The following FRK variants were observed in gnomAD, a reference collection of about 807,000 sequenced individuals.
The protein encoded by FRK is fyn related Src family tyrosine kinase, also known as tyrosine-protein kinase FRK.
Under a neutral mutation model 56.4 loss-of-function variants are expected in FRK, and 51 were observed. That is an observed-to-expected ratio of 0.90 (90% CI 0.72 to 1.14). FRK has a LOEUF of 1.14. Ranked by LOEUF, FRK falls within the 50% of genes most tolerant of loss-of-function variation. The pLI, the probability that FRK is intolerant of heterozygous loss-of-function variation, is 0.00. For missense variants in FRK, 570 were observed against 601.4 expected, an observed-to-expected ratio of 0.95 and a Z score of 0.55; for synonymous variants, 245 against 217.9, an observed-to-expected ratio of 1.12 and a Z score of -1.10.
chr6:115,953,180 A>ACTTTTTTTTTTTTTTTT lies in FRK; in HGVS notation c.958+3271_958+3272insAAAAAAAAAAAAAAAAG, dbSNP rs34026302. On this transcript the variant is annotated intron_variant, in intron 5 of 7. Transcript: ENST00000606080. Reference sequence around the variant, plus strand: ...AGAGTGGTACATCCATTTTAAGGCCATTTTTTTTTTTTTTTTTTTTTTTTT... The same window carrying ACTTTTTTTTTTTTTTTT: ...AGAGTGGTACATCCATTTTAAGGCCACTTTTTTTTTTTTTTTTTTTTTTTTTTTTTTTTTTTTTTTTT... Among the ~76,000 whole-genome samples the ACTTTTTTTTTTTTTTTT allele has an allele frequency of 7.7e-5, 8 of 104,032 alleles. 4 individuals are homozygous for ACTTTTTTTTTTTTTTTT. The highest frequency in any genetic ancestry group is 2.5e-4 in the Admixed American group (2 of 8,162). 68.2% of individuals were successfully genotyped at this position (104,032 alleles called of 152,430 possible). A position where few individuals can be genotyped will look rare whatever the true frequency, so the allele number is the denominator to read the frequency against.
the FRK span, among the ~76,000 whole-genome samples, chr6:116,091,730 G>T: frequency 2.6e-5 from 4 of 152,308 alleles, no homozygotes; most frequent in African/African-American, 9.6e-5. Flanking sequence ...GAAGACAGGG[G>T]TGTCAGGGTT....
the FRK span, among the ~76,000 whole-genome samples, chr6:116,077,298 G>C: frequency 6.6e-6 from 1 of 152,222 alleles, no homozygotes; most frequent in African/African-American, 2.4e-5. Flanking sequence ...CCTTTATGAT[G>C]TTGTGGAAGG....
chr6:116,054,733 C>T (rs1777325921), intron 1 of FRK, among the ~76,000 whole-genome samples: 1 of 151,448 alleles, frequency 6.6e-6, no homozygotes, highest in Non-Finnish European at 1.5e-5. Context: ...TCTTCCCTGA[C>T]AACTTACACA....
chr6:115,935,208 A>AG lies in FRK; in HGVS notation c.*7205dup, dbSNP rs1215635042. ...CAGCCCATGGAGGGCCAGCTGAAACAGGGTGGGGTGTCACCTCACCCAGGA... is the reference window on the plus strand; with the variant it reads ...CAGCCCATGGAGGGCCAGCTGAAACAGGGGTGGGGTGTCACCTCACCCAGGA... On this transcript the variant is annotated 3_prime_UTR_variant, in exon 8 of 8. Transcript: ENST00000606080. 6.6e-6 allele frequency: 1 copy of AG among 152,442 alleles called. No homozygotes were observed. Among genetic ancestry groups the AG allele is most frequent in the African/African-American group, 2.4e-5 (1 of 41,468 alleles). The allele number at this position is 152,442 out of a possible 1,614,324, so 9.4% of individuals were successfully genotyped here.
intron 5 of FRK, among the ~76,000 whole-genome samples, chr6:115,945,562 G>T (rs1772405617): frequency 6.6e-6 from 1 of 152,036 alleles, no homozygotes; most frequent in African/African-American, 2.4e-5. Context: ...TTTCTTTCAA[G>T]CACTGCATAA....
intron 1 of FRK, among the ~76,000 whole-genome samples, chr6:116,057,398 G>A (rs1010818578): frequency 7.2e-5 from 11 of 152,158 alleles, no homozygotes; most frequent in African/African-American, 2.7e-4. Flanking sequence ...ACACACTCAC[G>A]CAGAAGGCTG....
chr6:116,095,669 C>T, the FRK span, among the ~76,000 whole-genome samples: 1 of 152,102 alleles, frequency 6.6e-6, no homozygotes, highest in African/African-American at 2.4e-5. Context: ...CTTCATGATC[C>T]TACTACCACA....
At chr6:116,010,508 T>G (rs1170474041) in intron 1 of FRK, among the ~76,000 whole-genome samples, 1 of 152,126 alleles carries the variant, frequency 6.6e-6, no homozygotes, top group African/African-American at 2.4e-5. Flanking sequence ...CAAAGGAATA[T>G]AAAACAAGTG....
At chr6:116,100,590 G>A in the FRK span, among the ~76,000 whole-genome samples, 1 of 152,194 alleles carries the variant, frequency 6.6e-6, no homozygotes, top group Non-Finnish European at 1.5e-5. Flanking sequence ...ACAGGTCTCA[G>A]CTGTGCAGCA....
At chr6:115,967,218 A>T (rs1773615189) in intron 4 of FRK, among the ~76,000 whole-genome samples, 1 of 152,190 alleles carries the variant, frequency 6.6e-6, no homozygotes, top group Admixed American at 6.5e-5. Context: ...CTGATTTTTT[A>T]AATATTTTCA....
intron 2 of FRK, among the ~76,000 whole-genome samples, chr6:115,969,024 C>G (rs1489732747): frequency 6.6e-6 from 1 of 152,016 alleles, no homozygotes; most frequent in Non-Finnish European, 1.5e-5. Flanking sequence ...TTAAAACAAG[C>G]CATAAAATTG....
At chr6:116,027,529 A>C (rs1043444113) in intron 1 of FRK, among the ~76,000 whole-genome samples, 1 of 152,160 alleles carries the variant, frequency 6.6e-6, no homozygotes, top group African/African-American at 2.4e-5. Flanking sequence ...AACAATGTAA[A>C]TTTAGAAAAA....
chr6:115,975,240 AT>A (rs1014223533), intron 2 of FRK, among the ~76,000 whole-genome samples: 3 of 151,636 alleles, frequency 2.0e-5, no homozygotes, highest in African/African-American at 2.4e-5. Flanking sequence ...ATAATGCAGA[AT>A]TTTTTTTTCA....
chr6:115,997,586 C>A (rs191204696), intron 2 of FRK, among the ~76,000 whole-genome samples: 3 of 152,258 alleles, frequency 2.0e-5, no homozygotes, highest in African/African-American at 7.2e-5. Flanking sequence ...CCACTATCCC[C>A]CAATCCCTCA....
chr6:116,051,305 G>T (rs1026443604), intron 1 of FRK, among the ~76,000 whole-genome samples: 14 of 151,930 alleles, frequency 9.2e-5, no homozygotes, highest in African/African-American at 2.9e-4. Context: ...GAATTTAAAG[G>T]CACTATAAAA....
At chr6:116,072,442 T>C in the FRK span, among the ~76,000 whole-genome samples, 11 of 152,210 alleles carry the variant, frequency 7.2e-5, no homozygotes, top group Non-Finnish European at 1.5e-4. Flanking sequence ...AATTGTACTT[T>C]CCTAACCCTT....
intron 1 of FRK, among the ~76,000 whole-genome samples, chr6:116,027,328 G>A (rs559512361): frequency 6.6e-6 from 1 of 152,090 alleles, no homozygotes; most frequent in Admixed American, 6.5e-5. Context: ...GTTGACAGAA[G>A]AAAATACTTA....
chr6:115,993,183 G>A (rs1338592443), intron 2 of FRK, among the ~76,000 whole-genome samples: 1 of 151,788 alleles, frequency 6.6e-6, no homozygotes, highest in African/African-American at 2.4e-5. Flanking sequence ...GAGAGAGAGG[G>A]AGAAAGTAAA....
intron 5 of FRK, among the ~76,000 whole-genome samples, chr6:115,950,624 T>C (rs936057215): frequency 6.6e-6 from 1 of 152,192 alleles, no homozygotes; most frequent in Admixed American, 6.5e-5. Flanking sequence ...TCCTCAAGGA[T>C]CTAGAACTAG....
Sources: gnomAD v4.1 joint callset for allele counts (sites outside exome capture counted in the v4.1 genomes callset) on GRCh38, gnomAD v4.1.1 for gene constraint, MANE v1.5 for transcripts, NCBI Gene and HGNC (gene_info 2026-07-23, HGNC 2026-07-21) for gene names.